Variants in CYP4V2 observed in about 807,000 individuals in gnomAD.
CYP4V2 encodes cytochrome P450 4V2.
Under a neutral mutation model 60.8 loss-of-function variants are expected in CYP4V2, and 55 were observed. The observed-to-expected ratio is 0.90, with a 90% CI of 0.73 to 1.13. The LOEUF (loss-of-function observed/expected upper bound fraction) is 1.13, where lower values mean the gene tolerates loss of function less well. Ranked by LOEUF, CYP4V2 falls within the 50% of genes most tolerant of loss-of-function variation. The pLI, the probability that CYP4V2 is intolerant of heterozygous loss-of-function variation, is 0.00. For missense variants in CYP4V2, 675 were observed against 662.9 expected, an observed-to-expected ratio of 1.02 and a Z score of -0.20; for synonymous variants, 239 against 236.8, an observed-to-expected ratio of 1.01 and a Z score of -0.08.
rs2126600867 is a variant in CYP4V2 at position 186,208,993 on chromosome 4, G to T, written c.1219G>T (p.Glu407Ter). The T allele has an allele frequency of 6.2e-7, 1 of 1,614,174 alleles. No individual in the cohort carries two copies. Among genetic ancestry groups the T allele is most frequent in the Middle Eastern group, 1.6e-4 (1 of 6,062 alleles). ...TGCCCGTAGTGTTAGTGAAGATTGT[G>T]AAGTGGGTAAGTATGCTATACCTAA... ...LFARSVSEDC[E>*]VAGYRVLKGT... Residue 407 changes from glutamate (E) to a stop codon, truncating the protein, a stop_gained, in exon 9 of 11, where the codon GAA (glutamate) becomes TAA (stop). Coordinates refer to ENST00000378802, the MANE Select transcript of CYP4V2 (RefSeq NM_207352.4). LOFTEE classifies it high-confidence loss of function.
intron 1 of CYP4V2, among the ~76,000 whole-genome samples, chr4:186,193,308 T>G (rs568309862): frequency 6.6e-6 from 1 of 152,310 alleles, no homozygotes; most frequent in East Asian, 1.9e-4. Flanking sequence ...ATTCCAGTAA[T>G]TAAAATCTCT....
Position 186,191,612 on chromosome 4 carries a change from AG to A in CYP4V2, c.-210del, listed in dbSNP as rs1735979213. ...GGGCGTGGAGGCCGCGGTGCTGCGT[AG>A]GCCGGGCCGGGCGCAGGAACAGCCC... On this transcript the variant is annotated 5_prime_UTR_variant, in exon 1 of 11. Coordinates refer to ENST00000378802, the MANE Select transcript of CYP4V2 (RefSeq NM_207352.4). The A allele has an allele frequency of 5.7e-6, 2 of 350,738 alleles. No individual in the cohort carries two copies. Among genetic ancestry groups the A allele is most frequent in the African/African-American group, 4.3e-5 (2 of 46,526 alleles). The allele number at this position is 350,738 out of a possible 1,614,324, so 21.7% of individuals were successfully genotyped here.
At chr4:186,193,619 G>A (rs1736057548) in intron 1 of CYP4V2, among the ~76,000 whole-genome samples, 1 of 152,112 alleles carries the variant, frequency 6.6e-6, no homozygotes. Flanking sequence ...TTTATTGCAT[G>A]CAAAGTTTCT....
rs1378782714 is a variant in CYP4V2, at chr4:186,212,920, C to G, written c.*2279C>G. ...GGAGGTGATACAATTGGAAATATTCCCATCAAATGGTTAATCTTATTTAGA... is the reference window on the plus strand; with the variant it reads ...GGAGGTGATACAATTGGAAATATTCGCATCAAATGGTTAATCTTATTTAGA... On this transcript the variant is annotated 3_prime_UTR_variant, in exon 11 of 11. Coordinates refer to ENST00000378802, the MANE Select transcript of CYP4V2 (RefSeq NM_207352.4). 6.6e-6 allele frequency: 1 copy of G among 152,066 alleles called. No individual in the cohort carries two copies. The highest frequency in any genetic ancestry group is 1.5e-5 in the Non-Finnish European group (1 of 68,010). The allele number at this position is 152,066 out of a possible 1,614,324, so 9.4% of individuals were successfully genotyped here.
intron 1 of CYP4V2, 108 bp downstream of exon 1, chr4:186,192,145 GC>G: frequency 7.2e-7 from 1 of 1,389,256 alleles, no homozygotes; most frequent in African/African-American, 1.4e-5. Context: ...GGAGAGAGGA[GC>G]CTGTCACCCT....
In CYP4V2 at chr4:186,197,567, T is replaced by G; in HGVS notation, c.639T>G (p.Ser213Arg). 1 of 1,614,232 alleles carries G rather than the reference T, an allele frequency of 6.2e-7. No homozygotes were observed. Among genetic ancestry groups the G allele is most frequent in the Non-Finnish European group, 8.5e-7 (1 of 1,180,030 alleles). The change falls in exon 5 of 11, where the codon AGT becomes AGG. Residue 213 changes from serine (S) to arginine (R), a missense_variant. Transcript: ENST00000378802. ...TAMGKNIGAQ[S>R]NDDSEYVRAV... ...TGGGGAAGAATATTGGTGCTCAAAG[T>G]AATGATGATTCCGAGTATGTCCGTG...
intron 6 of CYP4V2, among the ~76,000 whole-genome samples, chr4:186,199,425 C>T (rs13152184): frequency 0.23 from 34,351 of 152,090 alleles, 4,185 homozygotes; most frequent in South Asian, 0.45. Context: ...ACCACCATAC[C>T]AAATGTTGGA....
chr4:186,192,677 C>T (rs151082823), intron 1 of CYP4V2, among the ~76,000 whole-genome samples: 54 of 152,276 alleles, frequency 3.5e-4, no homozygotes, highest in African/African-American at 1.2e-3. Flanking sequence ...CAGAGATGGA[C>T]ATTTTATTGA....
rs748775577 is a variant in CYP4V2 at position 186,210,624 on chromosome 4, A to G, written c.1561A>G (p.Asn521Asp). Reference sequence around the variant, plus strand: ...CATCTGGATCAAGTTGAAGAGGAGAAATGCAGATGAACGCTAACTATATTA... The same window carrying G: ...CATCTGGATCAAGTTGAAGAGGAGAGATGCAGATGAACGCTAACTATATTA... ...NGIWIKLKRR[N>D]ADER Residue 521 changes from asparagine to aspartate, a missense_variant, in exon 11 of 11, where the codon AAT (asparagine) becomes GAT (aspartate). Physicochemically the swap from Asn to Asp is conservative, Grantham distance 23. Coordinates refer to ENST00000378802, the MANE Select transcript of CYP4V2 (RefSeq NM_207352.4). 1 of 1,614,118 alleles carries G rather than the reference A, an allele frequency of 6.2e-7. No homozygotes were observed. The highest frequency in any genetic ancestry group is 1.6e-4 in the Middle Eastern group (1 of 6,062).
At chr4:186,197,251 C>T (rs564886125) in intron 4 of CYP4V2, 121 bp downstream of exon 4, 13 of 1,269,748 alleles carry the variant, frequency 1.0e-5, no homozygotes, top group Admixed American at 1.8e-5. Context: ...CTCTTCAGCG[C>T]GGTTCTACGA....
In CYP4V2 at chr4:186,209,380, T is replaced by TAA. The variant is rs11437160; in HGVS notation, c.1405+117_1405+118dup. ...TGACATTGCCCATATGCAACAGCCT[T>TAA]AAAAAAAAAATAGGTGGTTTCTTTT... On this transcript the variant is annotated intron_variant, in intron 10 of 10. Transcript: ENST00000378802. 165 of 1,174,262 alleles carry TAA rather than the reference T, an allele frequency of 1.4e-4. No individual in the cohort carries two copies. The African/African-American group carries it at 1.6e-3, about 12-fold the overall frequency. The allele number at this position is 1,174,262 out of a possible 1,614,324, so 72.7% of individuals were successfully genotyped here. A position where few individuals can be genotyped will look rare whatever the true frequency, so the allele number is the denominator to read the frequency against.
At chr4:186,194,707 A>G in intron 2 of CYP4V2, 95 bp downstream of exon 2, 1 of 1,169,128 alleles carries the variant, frequency 8.6e-7, no homozygotes, top group Non-Finnish European at 1.3e-6. Flanking sequence ...TATTTCAGCC[A>G]TTTCAGCACA....
intron 7 of CYP4V2, 104 bp from the exon 8 acceptor site, chr4:186,205,096 A>C: frequency 9.7e-7 from 1 of 1,031,926 alleles, no homozygotes; most frequent in Non-Finnish European, 1.5e-6. Flanking sequence ...TTGCAGTCAC[A>C]GTGCAGTCAT....
chr4:186,207,621 A>AT (rs146042355), intron 8 of CYP4V2, among the ~76,000 whole-genome samples: 124 of 145,180 alleles, frequency 8.5e-4, no homozygotes, highest in Admixed American at 9.7e-4. Flanking sequence ...CTTAAATGTT[A>AT]TTTTTTTTTT....
chr4:186,193,852 G>A (rs1012647895), intron 1 of CYP4V2, among the ~76,000 whole-genome samples: 2 of 152,170 alleles, frequency 1.3e-5, no homozygotes, highest in African/African-American at 2.4e-5. Flanking sequence ...ATTTCACCTT[G>A]AAGATTGCAG....
intron 2 of CYP4V2, 43 bp downstream of exon 2, chr4:186,194,655 A>G: frequency 6.6e-7 from 1 of 1,522,408 alleles, no homozygotes; most frequent in Non-Finnish European, 9.1e-7. Flanking sequence ...TGTGTATCTG[A>G]CAGTGTGAGA....
rs563324444 is a variant in CYP4V2 at position 186,201,134 on chromosome 4, T to A, written c.802-23T>A. The A allele has an allele frequency of 2.7e-5, 44 of 1,613,166 alleles. No homozygotes were observed. The African/African-American group carries it at 3.3e-4, about 12-fold the overall frequency. ...GCATCCAAGTCCAAACAGAAGCATG[T>A]GATTATCATTCAAATCATACAGGTC... is the stretch of plus-strand genomic sequence containing the variant. On this transcript the variant is annotated intron_variant, in intron 6 of 10. Transcript: ENST00000378802.
rs757146398 is a variant in CYP4V2, at chr4:186,194,573, A to AG, written c.289dup (p.Val97GlyfsTer8). 6.2e-7 allele frequency: 1 copy of AG among 1,614,218 alleles called. No homozygotes were observed. The highest frequency in any genetic ancestry group is 2.2e-5 in the East Asian group (1 of 44,876). ...CGCTGCTGAAGCTCTGGGTCGGGCC[A>AG]GTGCCCATGGTGGCCCTTTATAATG... On this transcript the variant is annotated frameshift_variant, in exon 2 of 11. Transcript: ENST00000378802. LOFTEE classifies it high-confidence loss of function.
In CYP4V2 at chr4:186,210,516, C is replaced by T. The variant is rs769189264; in HGVS notation, c.1453C>T (p.Leu485=). The T allele has an allele frequency of 1.9e-6, 3 of 1,614,122 alleles. No individual in the cohort carries two copies. The highest frequency in any genetic ancestry group is 2.5e-6 in the Non-Finnish European group (3 of 1,180,020). The stretch of plus-strand genomic sequence containing the variant: ...AGAAAAGACCATTCTTTCGTGCATC[C>T]TGAGGCACTTTTGGATAGAATCCAA... ...MEEKTILSCI[L]RHFWIESNQK... is the part of the protein sequence containing the mutation. The change falls in exon 11 of 11, where the codon CTG becomes TTG. Residue 485 remains leucine (L), a synonymous_variant. Coordinates refer to ENST00000378802, the MANE Select transcript of CYP4V2 (RefSeq NM_207352.4).
Sources: allele counts gnomAD v4.1 joint callset (sites outside exome capture counted in the v4.1 genomes callset), GRCh38; gene constraint gnomAD v4.1.1; transcripts MANE v1.5; gene names NCBI Gene and HGNC (gene_info 2026-07-23, HGNC 2026-07-21).